Variants in SLC5A1 observed in about 807,000 individuals in gnomAD.
SLC5A1 encodes sodium/glucose cotransporter 1.
SLC5A1 carries 42 observed loss-of-function variants against 73.5 expected under a neutral mutation model. That is an observed-to-expected ratio of 0.57 (90% confidence interval 0.45 to 0.74). The LOEUF is 0.74. Among genes scored for constraint, SLC5A1 ranks in the 30% least tolerant of loss-of-function variants. The probability of loss-of-function intolerance (pLI) is 0.00; values close to 1 mark genes in which losing one functional copy is unlikely to be tolerated. For synonymous variants in SLC5A1, 300 were observed against 317.4 expected, an observed-to-expected ratio of 0.95 and a Z score of 0.58; for missense variants, 634 against 855.4, an observed-to-expected ratio of 0.74 and a Z score of 3.23.
At chr22:32,087,889 C>T (rs2094010748) in intron 10 of SLC5A1, among the ~76,000 whole-genome samples, 1 of 152,138 alleles carries the variant, frequency 6.6e-6, no homozygotes, top group African/African-American at 2.4e-5. Context: ...TTTCCAGGGC[C>T]AGGCAGGAAC....
intron 11 of SLC5A1, among the ~76,000 whole-genome samples, chr22:32,092,659 T>C (rs1040656313): frequency 6.6e-6 from 1 of 152,206 alleles, no homozygotes; most frequent in Non-Finnish European, 1.5e-5. Flanking sequence ...GGTGATTATT[T>C]TTTCCTTGTT....
intron 5 of SLC5A1, among the ~76,000 whole-genome samples, chr22:32,074,772 T>C (rs1380763568): frequency 6.6e-6 from 1 of 152,176 alleles, no homozygotes; most frequent in Non-Finnish European, 1.5e-5. Context: ...CCTTGACAAA[T>C]ACATAAGAAG....
intron 1 of SLC5A1, among the ~76,000 whole-genome samples, chr22:32,049,101 T>A (rs906667267): frequency 8.3e-5 from 12 of 145,232 alleles, no homozygotes; most frequent in Admixed American, 4.2e-4. Context: ...AATATATATA[T>A]ATATATATAT....
At chr22:32,074,186 G>A (rs1241863720) in intron 5 of SLC5A1, among the ~76,000 whole-genome samples, 1 of 152,156 alleles carries the variant, frequency 6.6e-6, no homozygotes, top group African/African-American at 2.4e-5. Flanking sequence ...CAGTTGCCAT[G>A]GTAAGAGCAC....
At position 32,080,518 on chromosome 22, in the gene SLC5A1, A is replaced by T. The variant is rs117062861; in HGVS notation, c.478-1348A>T. ...GATGGGGACTGGGAAACGGAACTAG[A>T]GAGGAGATGCAAGATATAAGAGGAG... is the stretch of plus-strand genomic sequence containing the variant. On this transcript the variant is annotated intron_variant, in intron 5 of 14. Transcript: ENST00000266088. 3.1e-3 allele frequency among the ~76,000 whole-genome samples: 469 copies of T among 152,236 alleles called. 2 individuals carry two copies. The highest frequency in any genetic ancestry group is 4.4e-3 in the Non-Finnish European group (300 of 68,008).
rs771784540 is a variant in SLC5A1 at position 32,043,380 on chromosome 22, T to C, written c.99T>C (p.Val33=). ...ATGCAGCCGATATCTCCATCATCGT[T>C]ATCTACTTCGTGGTAGTGATGGCCG... ...IRNAADISII[V]IYFVVVMAVG... Residue 33 remains valine (V), a synonymous_variant, in exon 1 of 15, where the codon GTT becomes GTC. Coordinates refer to ENST00000266088, the MANE Select transcript of SLC5A1 (RefSeq NM_000343.4). The surrounding 1 kb of genome is among the most constrained non-coding windows in gnomAD (Gnocchi z 6.5). 5 of 1,614,150 alleles carry C rather than the reference T, an allele frequency of 3.1e-6. No homozygotes were observed. The highest frequency in any genetic ancestry group is 3.4e-6 in the Non-Finnish European group (4 of 1,180,014).
At chr22:32,085,138 C>T in intron 9 of SLC5A1, 103 bp downstream of exon 9, 1 of 1,357,894 alleles carries the variant, frequency 7.4e-7, no homozygotes, top group South Asian at 1.2e-5. Flanking sequence ...TTTTTTGAGA[C>T]CAGGTCTCAC....
At chr22:32,109,595 T>C (rs2094052586) in intron 14 of SLC5A1, among the ~76,000 whole-genome samples, 1 of 152,216 alleles carries the variant, frequency 6.6e-6, no homozygotes, top group Admixed American at 6.5e-5. Flanking sequence ...GGTGATGTAG[T>C]GAACAGATAT....
chr22:32,069,005 A>C (rs1230296236), intron 5 of SLC5A1, among the ~76,000 whole-genome samples: 1 of 152,212 alleles, frequency 6.6e-6, no homozygotes, highest in African/African-American at 2.4e-5. Context: ...AAGATATAGA[A>C]TCAATATAAG....
chr22:32,052,487 G>A (rs1237894922), intron 2 of SLC5A1, among the ~76,000 whole-genome samples: 2 of 152,314 alleles, frequency 1.3e-5, no homozygotes, highest in Non-Finnish European at 2.9e-5. Context: ...ATGAATTGGA[G>A]AGGAAGAGAG....
chr22:32,098,805 G>A (rs2094030573), intron 11 of SLC5A1, among the ~76,000 whole-genome samples: 2 of 152,088 alleles, frequency 1.3e-5, no homozygotes, highest in Non-Finnish European at 2.9e-5. Context: ...CTCATGTAGA[G>A]GCCGGGTGCG....
chr22:32,101,447 A>G (rs2149497351), intron 12 of SLC5A1, among the ~76,000 whole-genome samples: 1 of 152,328 alleles, frequency 6.6e-6, no homozygotes, highest in South Asian at 2.1e-4. Flanking sequence ...GTATAATTTT[A>G]TGTTCTCAAA....
chr22:32,092,278 G>C (rs1031544448), intron 11 of SLC5A1, among the ~76,000 whole-genome samples: 1 of 152,004 alleles, frequency 6.6e-6, no homozygotes, highest in African/African-American at 2.4e-5. Flanking sequence ...CCATTAATTC[G>C]TTCCTTTTTA....
chr22:32,087,055 CA>C (rs1486909329), intron 10 of SLC5A1, among the ~76,000 whole-genome samples: 1 of 152,008 alleles, frequency 6.6e-6, no homozygotes, highest in Non-Finnish European at 1.5e-5. Context: ...CTTAAAAAGT[CA>C]AATTTGTAGA....
intron 10 of SLC5A1, among the ~76,000 whole-genome samples, chr22:32,090,937 C>G (rs2094016231): frequency 6.6e-6 from 1 of 152,054 alleles, no homozygotes; most frequent in Non-Finnish European, 1.5e-5. Context: ...TCATAGCTAT[C>G]CTAGTGGGTA....
chr22:32,066,585 G>A (rs1044888810), intron 2 of SLC5A1, among the ~76,000 whole-genome samples: 7 of 152,198 alleles, frequency 4.6e-5, no homozygotes, highest in East Asian at 1.9e-4. Context: ...CATGCTCCTA[G>A]GCACACAGCC....
At chr22:32,082,118 C>A in intron 6 of SLC5A1, 147 bp downstream of exon 6, 1 of 692,600 alleles carries the variant, frequency 1.4e-6, no homozygotes, top group Non-Finnish European at 2.6e-6. Flanking sequence ...TTGCTTAGTA[C>A]CAACTCATAG....
chr22:32,050,646 C>A (rs2149483524), intron 2 of SLC5A1, among the ~76,000 whole-genome samples: 1 of 152,286 alleles, frequency 6.6e-6, no homozygotes, highest in Non-Finnish European at 1.5e-5. Flanking sequence ...GATTCAGAAA[C>A]TCTGGAAACA....
intron 4 of SLC5A1, 105 bp from the exon 5 acceptor site, chr22:32,068,391 G>T: frequency 1.2e-6 from 1 of 836,138 alleles, no homozygotes; most frequent in South Asian, 1.4e-5. Flanking sequence ...ATGAATCCTT[G>T]ACCACACTTC....
Sources: allele counts gnomAD v4.1 joint callset (sites outside exome capture counted in the v4.1 genomes callset), GRCh38; gene constraint gnomAD v4.1.1; non-coding constraint Gnocchi (gnomAD v3.1); transcripts MANE v1.5; gene names NCBI Gene and HGNC (gene_info 2026-07-23, HGNC 2026-07-21).